Variants in OSBPL1A observed in about 807,000 individuals in gnomAD.
OSBPL1A encodes oxysterol-binding protein-related protein 1.
Under a neutral mutation model 137.1 loss-of-function variants are expected in OSBPL1A, and 80 were observed. The observed-to-expected ratio is 0.58, with a 90% CI of 0.49 to 0.70. The LOEUF (loss-of-function observed/expected upper bound fraction) is 0.70. Among genes scored for constraint, OSBPL1A ranks in the 30% least tolerant of loss-of-function variants. The pLI is 0.00. For missense variants in OSBPL1A, 970 were observed against 1,129.4 expected (o/e 0.86, Z 2.02); for synonymous variants, 365 against 389.7 (o/e 0.94, Z 0.75).
intron 7 of OSBPL1A, among the ~76,000 whole-genome samples, chr18:24,319,102 A>G (rs1023422091): frequency 6.6e-6 from 1 of 152,240 alleles, no homozygotes; most frequent in Non-Finnish European, 1.5e-5. Flanking sequence ...AGAGATCAGA[A>G]GTCTGAAATC....
chr18:24,267,142 C>A (rs1454996990), intron 15 of OSBPL1A, among the ~76,000 whole-genome samples: 1 of 144,018 alleles, frequency 6.9e-6, no homozygotes, highest in African/African-American at 2.7e-5. Context: ...AATTACAGAT[C>A]CAACCTAAGT....
At chr18:24,382,075 G>A (rs1005523975) in intron 1 of OSBPL1A, among the ~76,000 whole-genome samples, 2 of 151,650 alleles carry the variant, frequency 1.3e-5, no homozygotes, top group Non-Finnish European at 2.9e-5. Context: ...GCAACATGGT[G>A]AGACCCTATA....
At chr18:24,195,701 T>A (rs889131122) in intron 18 of OSBPL1A, among the ~76,000 whole-genome samples, 1 of 152,170 alleles carries the variant, frequency 6.6e-6, no homozygotes, top group African/African-American at 2.4e-5. Context: ...CCTGCACAGA[T>A]AACTAAGCAG....
intron 17 of OSBPL1A, among the ~76,000 whole-genome samples, chr18:24,214,319 G>A (rs761244150): frequency 7.2e-5 from 11 of 152,198 alleles, no homozygotes; most frequent in South Asian, 2.1e-4. Flanking sequence ...GCTAACTACC[G>A]TCATCCCTAA....
chr18:24,368,325 A>C lies in OSBPL1A; in HGVS notation c.169T>G (p.Tyr57Asp). 1 of 1,613,838 alleles carries C rather than the reference A, an allele frequency of 6.2e-7. No individual in the cohort carries two copies. The highest frequency in any genetic ancestry group is 1.1e-5 in the South Asian group (1 of 91,056). The stretch of plus-strand genomic sequence containing the variant: ...TGGACCACTTGTCTGTGTCCAAAAT[A>C]GCATGCCAGATGTAGAGGTGTCCAG... ...LGWTPLHLAC[Y>D]FGHRQVVQDL... Residue 57 changes from tyrosine (Y) to aspartate (D), a missense_variant, in exon 3 of 28, where the codon TAT becomes GAT. This residue lies in a region of OSBPL1A where 647 missense variants were observed against 672.6 expected (regional missense o/e 0.96). Coordinates refer to ENST00000319481, the MANE Select transcript of OSBPL1A (RefSeq NM_080597.4).
intron 11 of OSBPL1A, 114 bp from the exon 12 acceptor site, chr18:24,314,461 A>G (rs1191299736): frequency 4.7e-6 from 3 of 637,674 alleles, no homozygotes; most frequent in Non-Finnish European, 7.8e-6. Flanking sequence ...CCAGTTGAAC[A>G]CTTAAGTATT....
intron 15 of OSBPL1A, among the ~76,000 whole-genome samples, chr18:24,269,255 C>T (rs2089657635): frequency 6.6e-6 from 1 of 152,186 alleles, no homozygotes; most frequent in South Asian, 2.1e-4. Flanking sequence ...ACTCTAACTG[C>T]CCAAGATAAG....
At chr18:24,335,533 A>G (rs924930707) in intron 5 of OSBPL1A, among the ~76,000 whole-genome samples, 1 of 152,228 alleles carries the variant, frequency 6.6e-6, no homozygotes, top group African/African-American at 2.4e-5. Flanking sequence ...AATTTCTGCT[A>G]GATCTGAATT....
intron 16 of OSBPL1A, among the ~76,000 whole-genome samples, chr18:24,232,272 G>A (rs1398297665): frequency 6.6e-6 from 1 of 152,120 alleles, no homozygotes; most frequent in Admixed American, 6.6e-5. Context: ...GAGTCCAGAG[G>A]GGGCTGCCAA....
intron 1 of OSBPL1A, among the ~76,000 whole-genome samples, chr18:24,386,697 T>G (rs563335483): frequency 8.5e-5 from 13 of 152,140 alleles, no homozygotes; most frequent in Non-Finnish European, 1.0e-4. Flanking sequence ...TGGTGGCTCA[T>G]GTTTGTAATC....
At chr18:24,392,117 A>T (rs1555662157) in intron 1 of OSBPL1A, among the ~76,000 whole-genome samples, 1 of 151,608 alleles carries the variant, frequency 6.6e-6, no homozygotes, top group South Asian at 2.1e-4. Flanking sequence ...CAGCCTCCCA[A>T]AGTGCTGGGA....
chr18:24,355,262 G>A (rs1414826176), intron 4 of OSBPL1A, among the ~76,000 whole-genome samples: 1 of 151,878 alleles, frequency 6.6e-6, no homozygotes, highest in Non-Finnish European at 1.5e-5. Flanking sequence ...CCAGCACTTT[G>A]GGAGGCCGAG....
chr18:24,267,180 A>G (rs1019389086), intron 15 of OSBPL1A, among the ~76,000 whole-genome samples: 1 of 151,590 alleles, frequency 6.6e-6, no homozygotes, highest in Non-Finnish European at 1.5e-5. Context: ...GAAAATTATG[A>G]ATACCTTTAT....
intron 4 of OSBPL1A, chr18:24,358,387 C>T (rs1408548889): frequency 4.4e-6 from 3 of 683,188 alleles, no homozygotes; most frequent in East Asian, 2.7e-5. Flanking sequence ...CTTGAGCCGG[C>T]AGCACTACTT....
chr18:24,326,273 C>T (rs2090977802), intron 7 of OSBPL1A, among the ~76,000 whole-genome samples: 1 of 152,180 alleles, frequency 6.6e-6, no homozygotes, highest in South Asian at 2.1e-4. Flanking sequence ...ATCAGGCCAA[C>T]TCTATTTACA....
chr18:24,388,843 G>T (rs1412783274), intron 1 of OSBPL1A, among the ~76,000 whole-genome samples: 1 of 148,422 alleles, frequency 6.7e-6, no homozygotes, highest in Non-Finnish European at 1.5e-5. Flanking sequence ...AAAAAAGGGA[G>T]AAATTGTTTA....
intron 15 of OSBPL1A, among the ~76,000 whole-genome samples, chr18:24,253,174 G>GGGGGC (rs1555638416): frequency 7.6e-6 from 1 of 131,754 alleles, no homozygotes; most frequent in African/African-American, 2.7e-5. Context: ...TGGCGGGGGG[G>GGGGGC]GGCGCTGAAT....
intron 17 of OSBPL1A, among the ~76,000 whole-genome samples, chr18:24,201,769 AAAAG>A (rs2087228362): frequency 1.3e-5 from 2 of 151,972 alleles, no homozygotes; most frequent in Non-Finnish European, 1.5e-5. Flanking sequence ...TTAAAAAAAA[AAAAG>A]AAAGAAATTG....
intron 23 of OSBPL1A, 93 bp from the exon 24 acceptor site, chr18:24,170,546 G>A (rs1472825863): frequency 2.1e-6 from 3 of 1,444,148 alleles, no homozygotes; most frequent in South Asian, 1.2e-5. Context: ...TCCCATCCGA[G>A]TACTAACCAG....
Sources: allele counts gnomAD v4.1 joint callset (sites outside exome capture counted in the v4.1 genomes callset), GRCh38; gene constraint gnomAD v4.1.1; regional missense constraint gnomAD v4.1.1; transcripts MANE v1.5; gene names NCBI Gene and HGNC (gene_info 2026-07-23, HGNC 2026-07-21).